TCERG1L: variants seen among roughly 807,000 people sequenced by gnomAD.
TCERG1L encodes transcription elongation regulator 1 like, also known as transcription elongation regulator 1-like protein.
TCERG1L carries 37 observed loss-of-function variants against 56.3 expected under a neutral mutation model. The observed-to-expected ratio is 0.66, with a 90% CI of 0.51 to 0.87. The LOEUF (loss-of-function observed/expected upper bound fraction) is 0.87. Among genes scored for constraint, TCERG1L ranks in the 40% least tolerant of loss-of-function variants. The pLI, the probability that TCERG1L is intolerant of heterozygous loss-of-function variation, is 0.00. For missense variants in TCERG1L, 799 were observed against 774.2 expected (o/e 1.03, Z -0.38); for synonymous variants, 324 against 326.3 (o/e 0.99, Z 0.08).
At chr10:131,129,102 G>T (rs1016040997) in intron 8 of TCERG1L, among the ~76,000 whole-genome samples, 1 of 152,068 alleles carries the variant, frequency 6.6e-6, no homozygotes, top group African/African-American at 2.4e-5. Flanking sequence ...TAAAAATGAA[G>T]CGTGAAAGGG....
intron 3 of TCERG1L, among the ~76,000 whole-genome samples, chr10:131,284,077 G>A (rs1474821550): frequency 7.1e-6 from 1 of 141,282 alleles, no homozygotes; most frequent in Non-Finnish European, 1.5e-5. Context: ...AGTGAGCCAA[G>A]ATCGAACTAC....
chr10:131,131,864 G>GAT (rs1845622304), intron 8 of TCERG1L, among the ~76,000 whole-genome samples: 1 of 152,166 alleles, frequency 6.6e-6, no homozygotes, highest in South Asian at 2.1e-4. Context: ...AAAAAGCGCA[G>GAT]GTCCAAATGA....
chr10:131,172,048 AC>A (rs1370061135), intron 4 of TCERG1L, among the ~76,000 whole-genome samples: 1 of 152,224 alleles, frequency 6.6e-6, no homozygotes, highest in African/African-American at 2.4e-5. Flanking sequence ...ATAAATATTG[AC>A]CTCCTTTGAC....
chr10:131,098,188 C>T (rs1845268316), intron 11 of TCERG1L, 118 bp downstream of exon 11: 4 of 1,123,628 alleles, frequency 3.6e-6, no homozygotes, highest in Non-Finnish European at 3.8e-6. Flanking sequence ...AAAGCTCACA[C>T]TTTCGTGTCT....
At position 131,177,184 on chromosome 10, in the gene TCERG1L, G is replaced by A. The variant is rs571665547; in HGVS notation, c.857-10299C>T. 1.2e-4 allele frequency among the ~76,000 whole-genome samples: 4 copies of A among 33,332 alleles called. 1 individual carries two copies. The East Asian group carries it at 2.9e-3, about 24-fold the overall frequency. 21.9% of individuals were successfully genotyped at this position (33,332 alleles called of 152,430 possible). On this transcript the variant is annotated intron_variant, in intron 4 of 11. Coordinates refer to ENST00000368642, the MANE Select transcript of TCERG1L (RefSeq NM_174937.4). ...GAGACACATGGACACACACAGACAT[G>A]CACACACAAAGACACATGCAGACAC...
chr10:131,100,534 CTT>C (rs917472704), intron 10 of TCERG1L, among the ~76,000 whole-genome samples: 3 of 152,210 alleles, frequency 2.0e-5, no homozygotes, highest in Admixed American at 1.3e-4. Context: ...TGGAGCATGA[CTT>C]TTCAAAAGAG....
At chr10:131,197,185 A>ATTTTTTT (rs11412949) in intron 4 of TCERG1L, among the ~76,000 whole-genome samples, 1 of 148,626 alleles carries the variant, frequency 6.7e-6, no homozygotes, top group Non-Finnish European at 1.5e-5. Flanking sequence ...TCTCTCCTCC[A>ATTTTTTT]TTTTTTTTTT....
At chr10:131,136,558 C>T (rs573080634) in intron 7 of TCERG1L, among the ~76,000 whole-genome samples, 3 of 152,164 alleles carry the variant, frequency 2.0e-5, no homozygotes, top group East Asian at 2.0e-4. Flanking sequence ...TACAGTGGTG[C>T]GATCTCGGCT....
At chr10:131,268,271 T>C (rs74233337) in intron 3 of TCERG1L, among the ~76,000 whole-genome samples, 3,063 of 152,278 alleles carry the variant, frequency 0.02, 76 homozygotes, top group East Asian at 0.075. Flanking sequence ...TAGGAATCTT[T>C]TTTATTTTTA....
chr10:131,251,431 C>T (rs1221046451), intron 4 of TCERG1L, among the ~76,000 whole-genome samples: 1 of 152,178 alleles, frequency 6.6e-6, no homozygotes, highest in Non-Finnish European at 1.5e-5. Context: ...CTGCTCTCTG[C>T]AGACCCCACC....
At chr10:131,148,423 CAG>C (rs1845823409) in intron 6 of TCERG1L, among the ~76,000 whole-genome samples, 2 of 149,522 alleles carry the variant, frequency 1.3e-5, no homozygotes, top group South Asian at 2.2e-4. Context: ...CACATGCACA[CAG>C]AGACACACAC....
At chr10:131,108,040 G>A (rs1845371769) in intron 9 of TCERG1L, among the ~76,000 whole-genome samples, 2 of 151,836 alleles carry the variant, frequency 1.3e-5, no homozygotes, top group Admixed American at 6.6e-5. Context: ...ACAACCAGGG[G>A]AAGAAAGCCC....
chr10:131,261,801 G>A (rs1311830308), intron 3 of TCERG1L, among the ~76,000 whole-genome samples: 3 of 152,178 alleles, frequency 2.0e-5, no homozygotes, highest in African/African-American at 7.2e-5. Context: ...CAGGCCGGTG[G>A]GCATAGTGGG....
intron 4 of TCERG1L, among the ~76,000 whole-genome samples, chr10:131,205,599 G>A (rs752287738): frequency 7.2e-5 from 11 of 152,158 alleles, no homozygotes; most frequent in Non-Finnish European, 1.3e-4. Flanking sequence ...CCCTGGGGAC[G>A]TGGAGGTAAA....
At chr10:131,171,075 G>A (rs1260834844) in intron 4 of TCERG1L, among the ~76,000 whole-genome samples, 1 of 152,010 alleles carries the variant, frequency 6.6e-6, no homozygotes, top group Non-Finnish European at 1.5e-5. Flanking sequence ...AACCTGGGAG[G>A]CGGAGGTTGC....
intron 8 of TCERG1L, among the ~76,000 whole-genome samples, chr10:131,133,065 T>C (rs529961077): frequency 6.6e-6 from 1 of 152,312 alleles, no homozygotes; most frequent in Admixed American, 6.5e-5. Context: ...GTCTGCCTAT[T>C]ATCGAACCAC....
intron 8 of TCERG1L, among the ~76,000 whole-genome samples, chr10:131,120,972 T>C (rs1845506606): frequency 6.6e-6 from 1 of 152,224 alleles, no homozygotes; most frequent in Non-Finnish European, 1.5e-5. Context: ...TATAAAACAG[T>C]TACACACATG....
chr10:131,134,118 G>C (rs1845649104), intron 8 of TCERG1L, among the ~76,000 whole-genome samples: 1 of 152,194 alleles, frequency 6.6e-6, no homozygotes, highest in Non-Finnish European at 1.5e-5. Context: ...ACACAGCAGG[G>C]CTGAGCATGT....
chr10:131,195,144 A>G (rs1333516301), intron 4 of TCERG1L, among the ~76,000 whole-genome samples: 3 of 152,182 alleles, frequency 2.0e-5, no homozygotes, highest in African/African-American at 4.8e-5. Context: ...AAGCAGGTGA[A>G]TATTTTTATT....
Sources: gnomAD v4.1 joint callset for allele counts (sites outside exome capture counted in the v4.1 genomes callset) on GRCh38, gnomAD v4.1.1 for gene constraint, MANE v1.5 for transcripts, NCBI Gene and HGNC (gene_info 2026-07-23, HGNC 2026-07-21) for gene names.